The following GMDS variants were observed in gnomAD, a reference collection of about 807,000 sequenced individuals.
The protein encoded by GMDS is GDP-mannose 4,6-dehydratase, also known as GDP-mannose 4,6 dehydratase.
GMDS carries 20 observed loss-of-function variants against 49.9 expected under a neutral mutation model. That is an observed-to-expected ratio of 0.40 (90% confidence interval 0.28 to 0.58). The LOEUF is 0.58. Ranked by LOEUF, GMDS falls within the 20% of genes least tolerant of loss-of-function variation. The pLI is 0.42. For synonymous variants in GMDS, 177 were observed against 178.6 expected (o/e 0.99, Z 0.07); for missense variants, 362 against 481.4 (o/e 0.75, Z 2.32).
chr6:1,769,959 CT>C (rs1445208067), intron 7 of GMDS, among the ~76,000 whole-genome samples: 1 of 152,306 alleles, frequency 6.6e-6, no homozygotes, highest in East Asian at 1.9e-4. Flanking sequence ...ACTCCTGACT[CT>C]AAGTGACCAC....
chr6:2,135,290 T>G (rs1775936752), intron 1 of GMDS, among the ~76,000 whole-genome samples: 1 of 152,214 alleles, frequency 6.6e-6, no homozygotes, highest in African/African-American at 2.4e-5. Context: ...TTGCTTAAAC[T>G]AATCCCCCCT....
chr6:1,832,343 T>C (rs1038272366), intron 7 of GMDS, among the ~76,000 whole-genome samples: 1 of 151,918 alleles, frequency 6.6e-6, no homozygotes, highest in African/African-American at 2.4e-5. Flanking sequence ...CAGTGAGTTA[T>C]GATTGAGCCA....
intron 1 of GMDS, among the ~76,000 whole-genome samples, chr6:2,171,828 A>T (rs1778020162): frequency 6.9e-6 from 1 of 145,432 alleles, no homozygotes; most frequent in African/African-American, 2.9e-5. Flanking sequence ...AAGTTAAGGT[A>T]AAAAGATAAT....
chr6:1,742,655 C>T (rs1483386763), intron 7 of GMDS, 69 bp from the exon 8 acceptor site: 8 of 821,400 alleles, frequency 9.7e-6, no homozygotes, highest in African/African-American at 5.0e-5. Context: ...TTCCAGTGCA[C>T]ATAATCAGAT....
chr6:1,972,048 G>T (rs1468121752), intron 4 of GMDS, among the ~76,000 whole-genome samples: 1 of 152,182 alleles, frequency 6.6e-6, no homozygotes, highest in African/African-American at 2.4e-5. Flanking sequence ...TTTCTAAAAT[G>T]TTGAGTTCTG....
chr6:1,751,031 C>T (rs898091996), intron 7 of GMDS, among the ~76,000 whole-genome samples: 2 of 152,198 alleles, frequency 1.3e-5, no homozygotes, highest in Admixed American at 1.3e-4. Flanking sequence ...GATTCCTCCT[C>T]TCTGGGCAGA....
chr6:1,815,481 C>T (rs997154807), intron 7 of GMDS, among the ~76,000 whole-genome samples: 7 of 152,246 alleles, frequency 4.6e-5, no homozygotes, highest in East Asian at 1.9e-4. Flanking sequence ...CCTAGACCTG[C>T]GCAACAGCCT....
chr6:1,870,036 G>A (rs1245588912), intron 7 of GMDS, among the ~76,000 whole-genome samples: 2 of 152,260 alleles, frequency 1.3e-5, no homozygotes, highest in East Asian at 3.8e-4. Flanking sequence ...TTCTCTCACA[G>A]GTTGTGCCTG....
intron 4 of GMDS, among the ~76,000 whole-genome samples, chr6:2,069,570 A>G (rs868753157): frequency 2.6e-5 from 4 of 152,288 alleles, no homozygotes; most frequent in Middle Eastern, 3.4e-3. Context: ...CAAATTTACA[A>G]GAAAAAAACA....
chr6:1,954,859 G>C (rs1763547650), intron 6 of GMDS, among the ~76,000 whole-genome samples: 2 of 152,090 alleles, frequency 1.3e-5, no homozygotes, highest in African/African-American at 4.8e-5. Context: ...GCGGTGGCAG[G>C]GGGTGGTAAT....
At chr6:2,055,700 G>C (rs532792686) in intron 4 of GMDS, among the ~76,000 whole-genome samples, 1 of 152,222 alleles carries the variant, frequency 6.6e-6, no homozygotes, top group South Asian at 2.1e-4. Flanking sequence ...TAACTCTGCG[G>C]ATTAGGCACA....
At chr6:1,830,574 G>A (rs1014744971) in intron 7 of GMDS, among the ~76,000 whole-genome samples, 7 of 152,186 alleles carry the variant, frequency 4.6e-5, no homozygotes, top group Non-Finnish European at 1.0e-4. Context: ...CCTAAGCAGT[G>A]AGTGGTTTTC....
chr6:2,065,586 G>A lies in GMDS; in HGVS notation c.345+50185C>T, dbSNP rs1237740896. Among the ~76,000 whole-genome samples the A allele has an allele frequency of 3.3e-5, 5 of 152,198 alleles. No individual in the cohort carries two copies. In the East Asian group the frequency reaches 9.6e-4, roughly 29 times the overall value. Reference sequence around the variant, plus strand: ...CAGAGAAGTGCTTAAAGGAGCTGATGGAGCTGAAAACCAAGGCTCGAGAAC... The same window carrying A: ...CAGAGAAGTGCTTAAAGGAGCTGATAGAGCTGAAAACCAAGGCTCGAGAAC... On this transcript the variant is annotated intron_variant, in intron 4 of 10. Transcript: ENST00000380815.
intron 8 of GMDS, among the ~76,000 whole-genome samples, chr6:1,727,928 T>TTAAC (rs1349831943): frequency 6.6e-6 from 1 of 152,224 alleles, no homozygotes; most frequent in Admixed American, 6.5e-5. Flanking sequence ...TATTAATTAA[T>TTAAC]TAACACAAAA....
At chr6:2,201,496 T>C (rs1779531017) in intron 1 of GMDS, among the ~76,000 whole-genome samples, 1 of 118,698 alleles carries the variant, frequency 8.4e-6, no homozygotes, top group African/African-American at 3.2e-5. Context: ...GAGGGCAGCA[T>C]GTTAGCAGAG....
intron 9 of GMDS, among the ~76,000 whole-genome samples, chr6:1,627,049 C>T (rs1172666571): frequency 6.6e-6 from 1 of 152,194 alleles, no homozygotes; most frequent in Non-Finnish European, 1.5e-5. Flanking sequence ...GACCAAGAGA[C>T]CTTGGGAAGA....
intron 4 of GMDS, among the ~76,000 whole-genome samples, chr6:2,065,341 C>T (rs1197994894): frequency 1.3e-5 from 2 of 152,136 alleles, no homozygotes; most frequent in East Asian, 3.9e-4. Flanking sequence ...AGCAGAAAAA[C>T]TGGAAACTCT....
chr6:1,997,257 CA>C (rs1218952797), intron 4 of GMDS, among the ~76,000 whole-genome samples: 11 of 151,966 alleles, frequency 7.2e-5, no homozygotes, highest in Non-Finnish European at 1.5e-4. Context: ...TGCCTGTAAT[CA>C]CAGCACTTTG....
chr6:2,161,312 A>G (rs1777390390), intron 1 of GMDS, among the ~76,000 whole-genome samples: 1 of 152,048 alleles, frequency 6.6e-6, no homozygotes, highest in African/African-American at 2.4e-5. Context: ...CCCGGCCTAT[A>G]TGCTAAGATA....
Sources: allele counts gnomAD v4.1 joint callset (sites outside exome capture counted in the v4.1 genomes callset), GRCh38; gene constraint gnomAD v4.1.1; transcripts MANE v1.5; gene names NCBI Gene and HGNC (gene_info 2026-07-23, HGNC 2026-07-21).